Variants in UTRN observed in about 807,000 individuals in gnomAD.
UTRN encodes utrophin, also known as dystrophin-related protein 1.
A neutral mutation model predicts 463.9 loss-of-function variants in UTRN; 283 were observed. The ratio of observed to expected loss-of-function variants is 0.61; its 90% CI spans 0.55 to 0.67. UTRN has a LOEUF of 0.67. UTRN is among the 30% of genes least tolerant of loss of function. The pLI is 0.00. For synonymous variants in UTRN, 1,442 were observed against 1,431.5 expected, an observed-to-expected ratio of 1.01 and a Z score of -0.17; for missense variants, 3,922 against 4,084.3, an observed-to-expected ratio of 0.96 and a Z score of 1.08.
intron 2 of UTRN, among the ~76,000 whole-genome samples, chr6:144,386,243 C>T (rs934302042): frequency 3.3e-5 from 5 of 152,096 alleles, no homozygotes; most frequent in African/African-American, 9.7e-5. Context: ...GGGCGGACTG[C>T]TTGAGCCCCG....
At chr6:144,321,410 CG>C (rs1775631701) in intron 2 of UTRN, among the ~76,000 whole-genome samples, 1 of 149,510 alleles carries the variant, frequency 6.7e-6, no homozygotes, top group South Asian at 2.1e-4. Flanking sequence ...TTGCCCAACA[CG>C]GGTAATGAGG....
intron 54 of UTRN, among the ~76,000 whole-genome samples, chr6:144,732,678 G>GT (rs1030672016): frequency 1.6e-4 from 24 of 149,630 alleles, no homozygotes; most frequent in African/African-American, 5.7e-4. Context: ...GTTATGTTAT[G>GT]TTATGTTATG....
chr6:144,535,191 G>A (rs894707083), intron 43 of UTRN, among the ~76,000 whole-genome samples: 6 of 152,026 alleles, frequency 3.9e-5, no homozygotes, highest in Admixed American at 6.6e-5. Context: ...AGCAATTCTC[G>A]TGCCTCAGCC....
chr6:144,752,025 C>G, intron 56 of UTRN, 73 bp downstream of exon 56: 1 of 1,358,540 alleles, frequency 7.4e-7, no homozygotes, highest in Non-Finnish European at 9.7e-7. Flanking sequence ...CACTATATTA[C>G]CACTCACCGT....
At chr6:144,755,843 T>A (rs1001798598) in intron 57 of UTRN, among the ~76,000 whole-genome samples, 1 of 152,246 alleles carries the variant, frequency 6.6e-6, no homozygotes, top group Non-Finnish European at 1.5e-5. Flanking sequence ...TTCCTCTTAA[T>A]GTTTTTGTCA....
intron 54 of UTRN, among the ~76,000 whole-genome samples, chr6:144,742,490 A>T (rs1466166420): frequency 2.0e-5 from 3 of 152,204 alleles, no homozygotes; most frequent in Admixed American, 6.6e-5. Flanking sequence ...AGAGAGAGAA[A>T]TAGGAGGGGG....
In UTRN at chr6:144,444,320, G is replaced by C. The variant is rs751813876; in HGVS notation, c.1552G>C (p.Glu518Gln). 1.1e-5 allele frequency: 17 copies of C among 1,611,958 alleles called. No individual in the cohort carries two copies. In the South Asian group the frequency reaches 1.2e-4, roughly 11 times the overall value. The change falls in exon 14 of 75, where the codon GAA becomes CAA. Residue 518 changes from glutamate to glutamine, a missense_variant. This residue lies in a region of UTRN where 2,349 missense variants were observed against 2,303.8 expected (regional missense o/e 1.02). Transcript: ENST00000367545. ...ERWTAVCRWT[E>Q]ERWNRLQEIN... is the part of the protein sequence containing the mutation. ...CTGGACAGCAGTATGCCGTTGGACT[G>C]AAGAACGCTGGAATAGGTTACAAGA...
intron 65 of UTRN, among the ~76,000 whole-genome samples, chr6:144,809,004 T>C: frequency 6.6e-6 from 1 of 152,124 alleles, no homozygotes; most frequent in East Asian, 1.9e-4. Context: ...AATGATTTTA[T>C]TTTCTTTGGA....
rs560581181 is a variant in UTRN at position 144,347,837 on chromosome 6, G to GTTTTTTTTTTTTTTTTTTTTT, written c.80-55274_80-55273insTTTTTTTTTTTTTTTTTTTTT. Among the ~76,000 whole-genome samples the GTTTTTTTTTTTTTTTTTTTTT allele has an allele frequency of 2.2e-4, 29 of 128,906 alleles. 4 individuals carry two copies. The highest frequency in any genetic ancestry group is 9.2e-4 in the African/African-American group (27 of 29,472). The allele number at this position is 128,906 out of a possible 152,430, so 84.6% of individuals were successfully genotyped here. On this transcript the variant is annotated intron_variant, in intron 2 of 74. Coordinates refer to ENST00000367545, the MANE Select transcript of UTRN (RefSeq NM_007124.3). ...TCTCCTGAACTGTGGCTTATTCTTT[G>GTTTTTTTTTTTTTTTTTTTTT]TTTTTTTTTTTTGTTTTTTTTTTTG...
chr6:144,638,776 A>G (rs1261228671), intron 51 of UTRN, among the ~76,000 whole-genome samples: 1 of 152,196 alleles, frequency 6.6e-6, no homozygotes, highest in Non-Finnish European at 1.5e-5. Context: ...AGAATGATAT[A>G]TATTAAATTG....
chr6:144,440,072 A>G lies in UTRN; in HGVS notation c.1393-280A>G, dbSNP rs376672318. Among the ~76,000 whole-genome samples, 21 of 152,300 alleles carry G rather than the reference A, an allele frequency of 1.4e-4. No individual in the cohort carries two copies. In the East Asian group the frequency reaches 2.5e-3, roughly 18 times the overall value. On this transcript the variant is annotated intron_variant, in intron 12 of 74. Transcript: ENST00000367545. ...CCTAGTATGGACACTCAACTCCTTT[A>G]TGCTATAAATTCTGAGGGAGGGCCA...
intron 58 of UTRN, among the ~76,000 whole-genome samples, chr6:144,760,492 A>G (rs1792535816): frequency 6.6e-6 from 1 of 152,236 alleles, no homozygotes; most frequent in African/African-American, 2.4e-5. Context: ...TCATTTGTAT[A>G]TAGCAAATTC....
At chr6:144,384,132 C>A (rs1167495318) in intron 2 of UTRN, among the ~76,000 whole-genome samples, 2 of 151,986 alleles carry the variant, frequency 1.3e-5, no homozygotes, top group African/African-American at 4.8e-5. Context: ...TGTTATATAA[C>A]CATCACTACC....
At chr6:144,732,261 CACATATATATATATATACACACAT>C (rs1788716757) in intron 54 of UTRN, among the ~76,000 whole-genome samples, 1 of 122,664 alleles carries the variant, frequency 8.2e-6, no homozygotes, top group African/African-American at 3.3e-5. Context: ...TATATATACA[CACATATATATATATATACACACAT>C]ATATATATAT....
At chr6:144,533,718 G>GTAATA (rs10524732) in intron 43 of UTRN, among the ~76,000 whole-genome samples, 50,450 of 148,480 alleles carry the variant, frequency 0.34, 9,919 homozygotes, top group East Asian at 0.6. Flanking sequence ...CTTCATCTAT[G>GTAATA]TAATATAATA....
chr6:144,435,982 C>G lies in UTRN; in HGVS notation c.903C>G (p.Pro301=), dbSNP rs1382793588. The stretch of plus-strand genomic sequence containing the variant: ...ATGAGAGTCCCCGAGCTGAAACTCC[C>G]AGCACTGTCACTGAGGTTGACATGG... ...EEHESPRAET[P]STVTEVDMDL... is the part of the protein sequence containing the mutation. Residue 301 remains proline, a synonymous_variant, in exon 10 of 75, where the codon CCC becomes CCG. Transcript: ENST00000367545. 1 of 1,614,182 alleles carries G rather than the reference C, an allele frequency of 6.2e-7. No individual in the cohort carries two copies. The highest frequency in any genetic ancestry group is 1.7e-5 in the Admixed American group (1 of 60,024).
chr6:144,707,883 A>G (rs564726923), intron 53 of UTRN, among the ~76,000 whole-genome samples: 85 of 152,268 alleles, frequency 5.6e-4, no homozygotes, highest in Middle Eastern at 3.4e-3. Context: ...TCTCAAAACT[A>G]TTCGTATAGA....
At chr6:144,519,330 A>G (rs577272200) in intron 39 of UTRN, among the ~76,000 whole-genome samples, 3 of 152,102 alleles carry the variant, frequency 2.0e-5, no homozygotes, top group Non-Finnish European at 4.4e-5. Flanking sequence ...AAAAGTTTTC[A>G]TCCTCCAGAA....
chr6:144,837,738 C>T (rs1276401970), intron 71 of UTRN, among the ~76,000 whole-genome samples: 1 of 152,162 alleles, frequency 6.6e-6, no homozygotes, highest in Non-Finnish European at 1.5e-5. Flanking sequence ...AAAACAGTGT[C>T]ATTTCTGCCT....
Sources: gnomAD v4.1 joint callset for allele counts (sites outside exome capture counted in the v4.1 genomes callset) on GRCh38, gnomAD v4.1.1 for gene constraint, gnomAD v4.1.1 regional missense constraint, MANE v1.5 for transcripts, NCBI Gene and HGNC (gene_info 2026-07-23, HGNC 2026-07-21) for gene names.